The following PKIB variants were observed in gnomAD, a reference collection of about 807,000 sequenced individuals.
PKIB encodes the protein PKI-beta.
PKIB carries 2 observed loss-of-function variants against 4.5 expected under a neutral mutation model. That is an observed-to-expected ratio of 0.44 (90% CI 0.18 to 1.39). The LOEUF (loss-of-function observed/expected upper bound fraction) is 1.39, where lower values mean the gene tolerates loss of function less well. Among genes scored for constraint, PKIB ranks in the 40% most tolerant of loss-of-function variants. The pLI, the probability that PKIB is intolerant of heterozygous loss-of-function variation, is 0.27. For synonymous variants in PKIB, 38 were observed against 36.0 expected (o/e 1.06, Z -0.20); for missense variants, 94 against 92.6 (o/e 1.02, Z -0.06).
At chr6:122,588,338 T>C (rs1460225338) in intron 3 of PKIB, among the ~76,000 whole-genome samples, 1 of 152,164 alleles carries the variant, frequency 6.6e-6, no homozygotes, top group Non-Finnish European at 1.5e-5. Flanking sequence ...GCATTATTTC[T>C]GAGGTCTCTG....
intron 3 of PKIB, among the ~76,000 whole-genome samples, chr6:122,678,064 T>C (rs1359416665): frequency 6.6e-6 from 1 of 152,008 alleles, no homozygotes; most frequent in Non-Finnish European, 1.5e-5. Flanking sequence ...CCCACCACCA[T>C]GCCCGGCTAA....
intron 2 of PKIB, among the ~76,000 whole-genome samples, chr6:122,634,932 A>G (rs969608890): frequency 5.9e-5 from 9 of 151,400 alleles, no homozygotes; most frequent in African/African-American, 1.9e-4. Flanking sequence ...ACAGAGCGAG[A>G]CTCCATCTCA....
chr6:122,575,762 CAGAG>C (rs1284632565), intron 2 of PKIB, among the ~76,000 whole-genome samples: 1 of 152,228 alleles, frequency 6.6e-6, no homozygotes, highest in East Asian at 1.9e-4. Context: ...TTTGTGGACT[CAGAG>C]GGAATAGTTG....
chr6:122,692,611 T>C (rs1029870257), intron 3 of PKIB, among the ~76,000 whole-genome samples: 1 of 151,456 alleles, frequency 6.6e-6, no homozygotes, highest in Non-Finnish European at 1.5e-5. Flanking sequence ...CCATGGCAGG[T>C]CCAGAAATGC....
At chr6:122,552,416 A>T (rs1238258802) in intron 2 of PKIB, among the ~76,000 whole-genome samples, 1 of 151,746 alleles carries the variant, frequency 6.6e-6, no homozygotes, top group Admixed American at 6.6e-5. Context: ...GTCACCCATC[A>T]CCCAGGCTAG....
chr6:122,495,717 G>A (rs1424008603), intron 2 of PKIB, among the ~76,000 whole-genome samples: 1 of 152,166 alleles, frequency 6.6e-6, no homozygotes, highest in Non-Finnish European at 1.5e-5. Context: ...GAGTCCAAAT[G>A]TGGAGCCACC....
At chr6:122,618,497 A>G (rs201691495) in intron 1 of PKIB, among the ~76,000 whole-genome samples, 1 of 152,090 alleles carries the variant, frequency 6.6e-6, no homozygotes, top group African/African-American at 2.4e-5. Flanking sequence ...CGTTGCAATG[A>G]AAATCAGAAA....
chr6:122,520,531 A>C (rs1011299708), intron 2 of PKIB, among the ~76,000 whole-genome samples: 1 of 152,142 alleles, frequency 6.6e-6, no homozygotes, highest in Admixed American at 6.5e-5. Context: ...GCACACATCT[A>C]AGTTCACATG....
intron 3 of PKIB, among the ~76,000 whole-genome samples, chr6:122,689,789 T>G (rs12199462): frequency 0.2 from 31,081 of 152,112 alleles, 3,634 homozygotes; most frequent in Non-Finnish European, 0.26. Flanking sequence ...TAATGCAGAT[T>G]AAGTCCAATG....
intron 3 of PKIB, among the ~76,000 whole-genome samples, chr6:122,600,666 G>A (rs1342019257): frequency 2.6e-5 from 4 of 152,194 alleles, no homozygotes; most frequent in Admixed American, 6.5e-5. Flanking sequence ...GACAGATAAA[G>A]TCATTTCAGG....
intron 2 of PKIB, chr6:122,481,234 G>A (rs984863889): frequency 1.3e-5 from 2 of 152,034 alleles, no homozygotes; most frequent in African/African-American, 2.4e-5. Context: ...CATATAAACG[G>A]GAATAAATCA....
chr6:122,489,941 T>C lies in PKIB; in HGVS notation c.-248+12002T>C, dbSNP rs115041012. Reference sequence around the variant, plus strand: ...TTCAGTGGATCCCTGCTCTTGAGATTTATCACCAGGGATTCTTGTTTTCAC... The same window carrying C: ...TTCAGTGGATCCCTGCTCTTGAGATCTATCACCAGGGATTCTTGTTTTCAC... On this transcript the variant is annotated intron_variant, in intron 2 of 6. Transcript: ENST00000392491. 2.6e-3 allele frequency among the ~76,000 whole-genome samples: 400 copies of C among 152,142 alleles called. 3 individuals are homozygous for C. The highest frequency in any genetic ancestry group is 9.1e-3 in the African/African-American group (378 of 41,554).
intron 2 of PKIB, among the ~76,000 whole-genome samples, chr6:122,556,144 T>C (rs1772832305): frequency 6.6e-6 from 1 of 152,102 alleles, no homozygotes; most frequent in Admixed American, 6.6e-5. Context: ...TGAGTTCTCA[T>C]GAGATCTGAT....
At chr6:122,612,904 A>G (rs1368438608) in intron 1 of PKIB, among the ~76,000 whole-genome samples, 2 of 152,156 alleles carry the variant, frequency 1.3e-5, no homozygotes, top group African/African-American at 4.8e-5. Context: ...TAAAAATTTA[A>G]AAAATTCTGG....
chr6:122,655,424 A>G (rs1255984909), intron 2 of PKIB, among the ~76,000 whole-genome samples: 1 of 152,198 alleles, frequency 6.6e-6, no homozygotes, highest in Non-Finnish European at 1.5e-5. Flanking sequence ...GAGATCCAGG[A>G]GAACTCCCTC....
chr6:122,590,928 G>A (rs1773998968), intron 3 of PKIB, among the ~76,000 whole-genome samples: 1 of 152,098 alleles, frequency 6.6e-6, no homozygotes, highest in Non-Finnish European at 1.5e-5. Flanking sequence ...TGTAGAAGGT[G>A]TCTGCCAATG....
rs193064994 is a variant in PKIB at position 122,572,200 on chromosome 6, A to C, written c.-247-13721A>C. ...ACAATACAATAAAAAAAGACAAAGA[A>C]GGACATTATATAATAACAAAATGAT... is the stretch of plus-strand genomic sequence containing the variant. On this transcript the variant is annotated intron_variant, in intron 2 of 6. Coordinates refer to the PKIB transcript ENST00000392491. 1.3e-3 allele frequency among the ~76,000 whole-genome samples: 200 copies of C among 152,312 alleles called. 5 individuals are homozygous for C. In the South Asian group the frequency reaches 0.027, roughly 21 times the overall value.
Position 122,554,963 on chromosome 6 carries a change from G to A in PKIB, c.-247-30958G>A, listed in dbSNP as rs116740971. 2.7e-3 allele frequency among the ~76,000 whole-genome samples: 413 copies of A among 152,316 alleles called. 4 individuals carry two copies. The highest frequency in any genetic ancestry group is 9.4e-3 in the African/African-American group (390 of 41,564). The stretch of plus-strand genomic sequence containing the variant: ...CAAATTAAGGGGGGACAGATAGGGA[G>A]ATACCGTGAAGGAGATGGGCAAAGC... On this transcript the variant is annotated intron_variant, in intron 2 of 6. Coordinates refer to the PKIB transcript ENST00000392491.
At chr6:122,495,167 CA>C (rs1776041173) in intron 2 of PKIB, among the ~76,000 whole-genome samples, 2 of 152,112 alleles carry the variant, frequency 1.3e-5, no homozygotes, top group Non-Finnish European at 2.9e-5. Context: ...TCTTCTGAGC[CA>C]AAACTCTCAG....
Sources: gnomAD v4.1 joint callset for allele counts (sites outside exome capture counted in the v4.1 genomes callset) on GRCh38, gnomAD v4.1.1 for gene constraint, MANE v1.5 for transcripts, NCBI Gene and HGNC (gene_info 2026-07-23, HGNC 2026-07-21) for gene names.